Variants in NINL observed in about 807,000 individuals in gnomAD.
NINL encodes the protein ninein like, also known as ninein-like protein.
Under a neutral mutation model 160.3 loss-of-function variants are expected in NINL, and 153 were observed. That is an observed-to-expected ratio of 0.95 (90% CI 0.84 to 1.09). NINL has a LOEUF of 1.09. Ranked by LOEUF, NINL falls within the 50% of genes least tolerant of loss-of-function variation. NINL has a pLI of 0.00. For synonymous variants in NINL, 800 were observed against 734.8 expected, an observed-to-expected ratio of 1.09 and a Z score of -1.43; for missense variants, 1,829 against 1,764.0, an observed-to-expected ratio of 1.04 and a Z score of -0.66.
intron 13 of NINL, among the ~76,000 whole-genome samples, chr20:25,483,612 G>A (rs1371624704): frequency 6.6e-6 from 1 of 152,294 alleles, no homozygotes; most frequent in Non-Finnish European, 1.5e-5. Flanking sequence ...TGGAGCAGGT[G>A]GAGGCCGCGT....
At chr20:25,532,211 C>T (rs748489505) in intron 1 of NINL, among the ~76,000 whole-genome samples, 48 of 152,346 alleles carry the variant, frequency 3.2e-4, no homozygotes, top group Admixed American at 9.2e-4. Context: ...CCTACCAGTC[C>T]CTTCCATGCG....
chr20:25,456,922 A>C (rs1329530500), intron 22 of NINL, among the ~76,000 whole-genome samples: 1 of 151,636 alleles, frequency 6.6e-6, no homozygotes. Context: ...ACAGAGTAAG[A>C]CTCTATCTCA....
In NINL at chr20:25,498,211, G is replaced by A. The variant is rs2063797573; in HGVS notation, c.1168C>T (p.Gln390Ter). 6.2e-7 allele frequency: 1 copy of A among 1,612,388 alleles called. No individual in the cohort carries two copies. Among genetic ancestry groups the A allele is most frequent in the South Asian group, 1.1e-5 (1 of 91,010 alleles). The change falls in exon 9 of 24, where the codon CAA (glutamine) becomes TAA (stop). Residue 390 changes from glutamine (Q) to a stop codon, truncating the protein, a stop_gained and splice_region_variant. Coordinates refer to ENST00000278886, the MANE Select transcript of NINL (RefSeq NM_025176.6). LOFTEE classifies it high-confidence loss of function. Reference protein sequence around the residue: ...ACYHQELSYQQGQVEQLARER... With the variant: ...ACYHQELSYQ ...CCCCAGTCCCCTGTGGCCTCTTACT[G>A]CTGGTAGCTCAGCTCCTGGTGGTAG...
chr20:25,558,457 C>G (rs749188867), intron 1 of NINL, among the ~76,000 whole-genome samples: 57 of 152,244 alleles, frequency 3.7e-4, no homozygotes, highest in Non-Finnish European at 7.2e-4. Context: ...ATCCACCCAC[C>G]TCAGCCTCCC....
At chr20:25,490,563 G>GAAA (rs59001259) in intron 11 of NINL, among the ~76,000 whole-genome samples, 3 of 79,786 alleles carry the variant, frequency 3.8e-5, no homozygotes, top group South Asian at 8.8e-4. Flanking sequence ...CCATCTCAAG[G>GAAA]AAAAAAAAAA....
intron 17 of NINL, 55 bp from the exon 18 acceptor site, chr20:25,470,150 C>T (rs985704462): frequency 9.9e-6 from 14 of 1,418,274 alleles, no homozygotes; most frequent in Middle Eastern, 1.8e-4. Flanking sequence ...CATGTGGTCA[C>T]GGAGGCTGGC....
chr20:25,496,331 C>T (rs1028913242), intron 10 of NINL, among the ~76,000 whole-genome samples: 1 of 152,190 alleles, frequency 6.6e-6, no homozygotes, highest in Admixed American at 6.5e-5. Flanking sequence ...GCAACATAGC[C>T]ACCTGCCTCT....
chr20:25,574,948 T>C (rs2065097474), intron 1 of NINL, among the ~76,000 whole-genome samples: 2 of 152,004 alleles, frequency 1.3e-5, no homozygotes, highest in South Asian at 4.1e-4. Context: ...AAAACTGCTG[T>C]CAAAATGTGA....
chr20:25,517,874 G>A, intron 2 of NINL, 25 bp from the exon 3 acceptor site: 1 of 1,479,278 alleles, frequency 6.8e-7, no homozygotes, highest in Non-Finnish European at 9.3e-7. Flanking sequence ...GGTGAGAGAG[G>A]ACAATGTCAC....
intron 8 of NINL, among the ~76,000 whole-genome samples, chr20:25,499,698 A>T (rs1263842731): frequency 6.6e-6 from 1 of 152,060 alleles, no homozygotes; most frequent in Non-Finnish European, 1.5e-5. Flanking sequence ...TCTGTGGAGT[A>T]GGGTGGACTG....
At chr20:25,561,014 C>G (rs562479118) in intron 1 of NINL, among the ~76,000 whole-genome samples, 1 of 143,976 alleles carries the variant, frequency 6.9e-6, no homozygotes, top group Admixed American at 7.0e-5. Flanking sequence ...TCTCTTTCCA[C>G]GGTCTCCCTC....
chr20:25,563,691 A>C (rs1294118069), intron 1 of NINL, among the ~76,000 whole-genome samples: 1 of 152,210 alleles, frequency 6.6e-6, no homozygotes, highest in Non-Finnish European at 1.5e-5. Flanking sequence ...GAGAAAATAC[A>C]CCATGCAAAT....
chr20:25,487,362 T>C (rs1367655099), intron 13 of NINL, among the ~76,000 whole-genome samples: 2 of 152,210 alleles, frequency 1.3e-5, no homozygotes, highest in Non-Finnish European at 2.9e-5. Flanking sequence ...GCATATGACT[T>C]ATCTGTTCAC....
chr20:25,455,842 C>T (rs745864812), intron 22 of NINL, 56 bp from the exon 23 acceptor site: 9 of 1,462,396 alleles, frequency 6.2e-6, no homozygotes, highest in Non-Finnish European at 7.7e-6. Context: ...CCTCTAATCC[C>T]AGCACTTTGG....
intron 23 of NINL, among the ~76,000 whole-genome samples, chr20:25,454,545 C>T (rs973660413): frequency 6.6e-6 from 1 of 152,178 alleles, no homozygotes; most frequent in Non-Finnish European, 1.5e-5. Flanking sequence ...GACTGGGAAC[C>T]TTCCACAAAT....
At chr20:25,531,785 C>T (rs886649166) in intron 1 of NINL, among the ~76,000 whole-genome samples, 2 of 152,146 alleles carry the variant, frequency 1.3e-5, no homozygotes, top group African/African-American at 2.4e-5. Context: ...GGAGGAAACG[C>T]GGCTGAGCTG....
chr20:25,518,148 G>A (rs1208267034), intron 2 of NINL, among the ~76,000 whole-genome samples: 4 of 152,138 alleles, frequency 2.6e-5, no homozygotes, highest in African/African-American at 4.8e-5. Flanking sequence ...TAAGGTGAAC[G>A]CCCATGGCAT....
intron 2 of NINL, among the ~76,000 whole-genome samples, chr20:25,519,755 G>C (rs766001496): frequency 6.3e-4 from 96 of 152,178 alleles, no homozygotes; most frequent in Non-Finnish European, 1.2e-3. Flanking sequence ...GGTGGCTCTT[G>C]CCTGTAATCC....
chr20:25,486,008 G>C (rs2063497357), intron 13 of NINL, among the ~76,000 whole-genome samples: 1 of 152,144 alleles, frequency 6.6e-6, no homozygotes, highest in Non-Finnish European at 1.5e-5. Flanking sequence ...TGTTTCCTTT[G>C]GATTGAGGCT....
Sources: allele counts gnomAD v4.1 joint callset (sites outside exome capture counted in the v4.1 genomes callset), GRCh38; gene constraint gnomAD v4.1.1; transcripts MANE v1.5; gene names NCBI Gene and HGNC (gene_info 2026-07-23, HGNC 2026-07-21).